NREP: variants seen among roughly 807,000 people sequenced by gnomAD.
The protein encoded by NREP is neuronal regeneration related protein.
In NREP, 5 loss-of-function variants were observed where a neutral mutation model predicts 8.6. The observed-to-expected ratio is 0.58, with a 90% CI of 0.30 to 1.22. The LOEUF (loss-of-function observed/expected upper bound fraction) is 1.22, where lower values mean the gene tolerates loss of function less well. Ranked by LOEUF, NREP falls within the 50% of genes most tolerant of loss-of-function variation. The pLI is 0.07. For missense variants in NREP, 86 were observed against 82.5 expected (o/e 1.04, Z -0.17); for synonymous variants, 27 against 28.0 (o/e 0.96, Z 0.11).
chr5:111,825,997 A>G (rs985525849), intron 2 of NREP, among the ~76,000 whole-genome samples: 1 of 148,944 alleles, frequency 6.7e-6, no homozygotes, highest in Non-Finnish European at 1.5e-5. Flanking sequence ...TCTGTCACCC[A>G]AGCTGGAATG....
At chr5:111,767,683 T>C (rs1029065004) in intron 2 of NREP, among the ~76,000 whole-genome samples, 2 of 152,166 alleles carry the variant, frequency 1.3e-5, no homozygotes, top group African/African-American at 4.8e-5. Flanking sequence ...TTTTTTGTTT[T>C]GAGACAGAGT....
At chr5:111,768,731 T>C (rs186432056) in intron 2 of NREP, among the ~76,000 whole-genome samples, 256 of 152,336 alleles carry the variant, frequency 1.7e-3, no homozygotes, top group African/African-American at 5.9e-3. Flanking sequence ...CTGTGGTTTA[T>C]ATGTACCATG....
At chr5:111,975,471 G>A (rs1274350723) in intron 1 of NREP, 9 of 804,674 alleles carry the variant, frequency 1.1e-5, no homozygotes, top group Non-Finnish European at 1.9e-5. Flanking sequence ...AGGAGAATGG[G>A]CATTGTTCTC....
chr5:111,896,665 ATCC>A (rs922268985), intron 2 of NREP, among the ~76,000 whole-genome samples: 11 of 152,194 alleles, frequency 7.2e-5, no homozygotes, highest in African/African-American at 2.4e-4. Flanking sequence ...AACTTCTTTT[ATCC>A]TCCTTACATT....
intron 2 of NREP, among the ~76,000 whole-genome samples, chr5:111,954,892 A>C (rs1199188547): frequency 1.3e-5 from 2 of 152,196 alleles, no homozygotes; most frequent in African/African-American, 4.8e-5. Flanking sequence ...CCTGAAAGGC[A>C]TAAAACCCTT....
At chr5:111,887,412 C>T (rs1371964652) in intron 2 of NREP, among the ~76,000 whole-genome samples, 5 of 152,134 alleles carry the variant, frequency 3.3e-5, no homozygotes, top group African/African-American at 9.7e-5. Context: ...AGAATTGTTA[C>T]TTCAAATAAA....
intron 2 of NREP, among the ~76,000 whole-genome samples, chr5:111,777,305 C>A (rs937273681): frequency 3.3e-5 from 5 of 151,910 alleles, no homozygotes; most frequent in Non-Finnish European, 5.9e-5. Flanking sequence ...AAGGAACTCT[C>A]ACTGAGAATG....
At chr5:111,762,331 T>G (rs1163976019), upstream of NREP, among the ~76,000 whole-genome samples, 1 of 152,142 alleles carries the variant, frequency 6.6e-6, no homozygotes, top group Non-Finnish European at 1.5e-5. Flanking sequence ...TTTATACCTG[T>G]TGAATGTATA....
intron 2 of NREP, among the ~76,000 whole-genome samples, chr5:111,973,603 T>C (rs1756882543): frequency 6.6e-6 from 1 of 152,210 alleles, no homozygotes; most frequent in African/African-American, 2.4e-5. Flanking sequence ...TGTTCCTATA[T>C]TCTGCTTATC....
At chr5:111,942,330 C>T (rs1299962647) in intron 2 of NREP, among the ~76,000 whole-genome samples, 2 of 151,952 alleles carry the variant, frequency 1.3e-5, no homozygotes, top group African/African-American at 2.4e-5. Flanking sequence ...TCATGAGAGT[C>T]GCCTTTCCAT....
At chr5:111,756,979 G>A (rs1256174577) in intron 1 of NREP, among the ~76,000 whole-genome samples, 157 bp downstream of exon 1, 1 of 152,086 alleles carries the variant, frequency 6.6e-6, no homozygotes, top group Non-Finnish European at 1.5e-5. Flanking sequence ...CAAAATGCCA[G>A]AATTTCTCCA....
intron 2 of NREP, among the ~76,000 whole-genome samples, chr5:111,956,333 T>C (rs1200399443): frequency 6.6e-6 from 1 of 152,160 alleles, no homozygotes; most frequent in Non-Finnish European, 1.5e-5. Context: ...AAAAGGTGTA[T>C]ATTTAAAGTC....
exon 1 of NREP, chr5:111,976,853 C>A: frequency 1.3e-6 from 1 of 754,944 alleles, no homozygotes; most frequent in Non-Finnish European, 2.2e-6. Context: ...TTCTGATTGT[C>A]CAATGTTTCT....
At chr5:111,936,886 C>G (rs1229953421) in intron 2 of NREP, among the ~76,000 whole-genome samples, 1 of 152,054 alleles carries the variant, frequency 6.6e-6, no homozygotes, top group Non-Finnish European at 1.5e-5. Flanking sequence ...ACACAAGGTG[C>G]TATTTTCATG....
chr5:111,769,260 G>A (rs1043114676), intron 2 of NREP, among the ~76,000 whole-genome samples: 1 of 152,128 alleles, frequency 6.6e-6, no homozygotes, highest in Non-Finnish European at 1.5e-5. Flanking sequence ...TATTTGCAAG[G>A]CAAAATGCTA....
Position 111,947,943 on chromosome 5 carries a change from C to T in NREP, c.135+27331G>A, listed in dbSNP as rs186762979. On this transcript the variant is annotated intron_variant, in intron 2 of 3. Transcript: ENST00000395634. The stretch of plus-strand genomic sequence containing the variant: ...TTTACTACCAGTTAGCAAGTTCACA[C>T]GCTATATTCTACACCTGTAAACCTC... Among the ~76,000 whole-genome samples, 18 of 152,162 alleles carry T rather than the reference C, an allele frequency of 1.2e-4. No individual in the cohort carries two copies. The East Asian group carries it at 3.3e-3, about 28-fold the overall frequency.
chr5:111,859,124 G>T (rs978642555), intron 2 of NREP, among the ~76,000 whole-genome samples: 1 of 152,144 alleles, frequency 6.6e-6, no homozygotes, highest in Non-Finnish European at 1.5e-5. Context: ...GACTGAAGAA[G>T]ATGGTTAAAG....
chr5:111,950,802 A>G (rs1398236428), intron 2 of NREP, among the ~76,000 whole-genome samples: 1 of 152,114 alleles, frequency 6.6e-6, no homozygotes, highest in Non-Finnish European at 1.5e-5. Context: ...CACATGAAAA[A>G]AAGCTCATCA....
intron 2 of NREP, among the ~76,000 whole-genome samples, chr5:111,946,095 CACACACAT>C (rs754605089): frequency 6.1e-4 from 78 of 128,874 alleles, no homozygotes; most frequent in Middle Eastern, 4.1e-3. Context: ...CACACACACA[CACACACAT>C]AAGAAAATAA....
Sources: gnomAD v4.1 joint callset for allele counts (sites outside exome capture counted in the v4.1 genomes callset) on GRCh38, gnomAD v4.1.1 for gene constraint, MANE v1.5 for transcripts, NCBI Gene and HGNC (gene_info 2026-07-23, HGNC 2026-07-21) for gene names.